UBE2E2: variants seen among roughly 807,000 people sequenced by gnomAD.
UBE2E2 encodes ubiquitin conjugating enzyme E2 E2.
In UBE2E2, 6 loss-of-function variants were observed where a neutral mutation model predicts 24.7. That is an observed-to-expected ratio of 0.24 (90% CI 0.13 to 0.48). UBE2E2 has a LOEUF of 0.48. Ranked by LOEUF, UBE2E2 falls within the 20% of genes least tolerant of loss-of-function variation. The pLI is 0.99. For synonymous variants in UBE2E2, 104 were observed against 83.6 expected (o/e 1.24, Z -1.33); for missense variants, 169 against 245.0 (o/e 0.69, Z 2.07).
chr3:23,453,127 G>A (rs1034506026), intron 3 of UBE2E2, among the ~76,000 whole-genome samples: 12 of 152,168 alleles, frequency 7.9e-5, no homozygotes, highest in Non-Finnish European at 1.2e-4. Context: ...CTTAGGCACC[G>A]AAGTTTGAAT....
intron 3 of UBE2E2, among the ~76,000 whole-genome samples, chr3:23,238,554 T>A (rs1172336420): frequency 6.6e-6 from 1 of 152,208 alleles, no homozygotes; most frequent in Non-Finnish European, 1.5e-5. Context: ...AAGGCTGTTT[T>A]TTAAAAGCTA....
intron 5 of UBE2E2, among the ~76,000 whole-genome samples, chr3:23,559,256 C>G (rs1043871121): frequency 2.6e-5 from 4 of 152,068 alleles, no homozygotes; most frequent in African/African-American, 9.7e-5. Context: ...TTATGGAATT[C>G]AAGTGCATTT....
chr3:23,547,233 CTG>C (rs1460332094), intron 5 of UBE2E2, among the ~76,000 whole-genome samples: 1 of 152,162 alleles, frequency 6.6e-6, no homozygotes, highest in Non-Finnish European at 1.5e-5. Flanking sequence ...ACATTTTTTT[CTG>C]TGTCTGTTGT....
At chr3:23,350,322 A>G (rs2125319280) in intron 3 of UBE2E2, among the ~76,000 whole-genome samples, 1 of 152,368 alleles carries the variant, frequency 6.6e-6, no homozygotes, top group East Asian at 1.9e-4. Flanking sequence ...CCTAAAAAGC[A>G]GAGCACCTCT....
rs191415126 is a variant in UBE2E2 at position 23,468,943 on chromosome 3, G to A, written c.228-30665G>A. Among the ~76,000 whole-genome samples the A allele has an allele frequency of 2.4e-3, 359 of 152,288 alleles. 1 individual carries two copies. The highest frequency in any genetic ancestry group is 8.2e-3 in the African/African-American group (341 of 41,570). ...ATTTATTTATCAAAAAAACTCTGTGGATCTTATGTGACCTCATTGTAGAAA... is the reference window on the plus strand; with the variant it reads ...ATTTATTTATCAAAAAAACTCTGTGAATCTTATGTGACCTCATTGTAGAAA... On this transcript the variant is annotated intron_variant, in intron 3 of 5. Transcript: ENST00000396703.
chr3:23,424,573 T>C (rs1697880878), intron 3 of UBE2E2, among the ~76,000 whole-genome samples: 2 of 152,258 alleles, frequency 1.3e-5, no homozygotes, highest in South Asian at 4.1e-4. Context: ...TTGTACAAAT[T>C]GTAGCACTAA....
intron 3 of UBE2E2, among the ~76,000 whole-genome samples, chr3:23,273,228 T>C (rs1484040295): frequency 6.6e-6 from 1 of 152,206 alleles, no homozygotes; most frequent in Non-Finnish European, 1.5e-5. Context: ...GATAGTTTCT[T>C]TGAAACTGCA....
At chr3:23,271,153 G>GC in intron 3 of UBE2E2, 1 of 416,302 alleles carries the variant, frequency 2.4e-6, no homozygotes. Context: ...TCAAAAGATG[G>GC]CAAGTATTGT....
At chr3:23,270,520 G>T (rs777438735) in intron 3 of UBE2E2, among the ~76,000 whole-genome samples, 4 of 152,116 alleles carry the variant, frequency 2.6e-5, no homozygotes, top group African/African-American at 9.7e-5. Context: ...TGCAGGGCTC[G>T]TTCTGTTCTC....
chr3:23,542,529 G>T (rs1695417402), intron 5 of UBE2E2, among the ~76,000 whole-genome samples: 1 of 152,120 alleles, frequency 6.6e-6, no homozygotes, highest in South Asian at 2.1e-4. Flanking sequence ...GGGGAACTTA[G>T]GCCATGTGTA....
At chr3:23,351,239 C>G in intron 3 of UBE2E2, among the ~76,000 whole-genome samples, 1 of 152,128 alleles carries the variant, frequency 6.6e-6, no homozygotes, top group Non-Finnish European at 1.5e-5. Context: ...GAAGGAAGCA[C>G]TAAACATGGA....
At chr3:23,561,849 T>C (rs947418033) in intron 5 of UBE2E2, among the ~76,000 whole-genome samples, 1 of 152,160 alleles carries the variant, frequency 6.6e-6, no homozygotes, top group African/African-American at 2.4e-5. Flanking sequence ...GAATGGGAGT[T>C]CACTCATGAT....
At chr3:23,340,308 G>A (rs952566947) in intron 3 of UBE2E2, among the ~76,000 whole-genome samples, 5 of 152,070 alleles carry the variant, frequency 3.3e-5, no homozygotes, top group African/African-American at 9.7e-5. Flanking sequence ...CTAAAATACA[G>A]AGTATTTATA....
intron 4 of UBE2E2, among the ~76,000 whole-genome samples, chr3:23,520,920 G>C (rs1428571333): frequency 6.6e-6 from 1 of 152,166 alleles, no homozygotes; most frequent in Non-Finnish European, 1.5e-5. Context: ...TGGGATTACA[G>C]GTGTTAGCCA....
chr3:23,591,891 A>G (rs1696772782), downstream of UBE2E2: 1 of 152,242 alleles, frequency 6.6e-6, no homozygotes, highest in African/African-American at 2.4e-5. Flanking sequence ...CACTAAAGGC[A>G]TTGAACCATT....
At position 23,286,062 on chromosome 3, in the gene UBE2E2, A is replaced by G. The variant is rs542827656; in HGVS notation, c.227+68750A>G. On this transcript the variant is annotated intron_variant, in intron 3 of 5. Transcript: ENST00000396703. ...ATTTATAGAATTGTTTTAGTTCCTT[A>G]TATATTCTGGTAATCCCTTGTAGAG... Among the ~76,000 whole-genome samples the G allele has an allele frequency of 6.4e-4, 97 of 152,206 alleles. 1 individual carries two copies. Among genetic ancestry groups the G allele is most frequent in the African/African-American group, 2.2e-3 (91 of 41,526 alleles).
chr3:23,423,622 A>C (rs913229143), intron 3 of UBE2E2, among the ~76,000 whole-genome samples: 1 of 152,192 alleles, frequency 6.6e-6, no homozygotes, highest in African/African-American at 2.4e-5. Flanking sequence ...CATAATCTAT[A>C]TAATGCTTGC....
chr3:23,353,721 T>C (rs1695838994), intron 3 of UBE2E2, among the ~76,000 whole-genome samples: 1 of 152,022 alleles, frequency 6.6e-6, no homozygotes, highest in Admixed American at 6.5e-5. Flanking sequence ...AAACCACTGC[T>C]CAATGAAATA....
At chr3:23,363,003 TAAAG>T (rs1559362138) in intron 3 of UBE2E2, among the ~76,000 whole-genome samples, 1 of 152,186 alleles carries the variant, frequency 6.6e-6, no homozygotes, top group Non-Finnish European at 1.5e-5. Context: ...TCAGCATTCT[TAAAG>T]AAAAGAAATT....
Sources: allele counts gnomAD v4.1 joint callset (sites outside exome capture counted in the v4.1 genomes callset), GRCh38; gene constraint gnomAD v4.1.1; transcripts MANE v1.5; gene names NCBI Gene and HGNC (gene_info 2026-07-23, HGNC 2026-07-21).